The following NF2 variants were observed in gnomAD, a reference collection of about 807,000 sequenced individuals.
NF2 encodes the protein NF2, moesin-ezrin-radixin like (MERLIN) tumor suppressor, also known as merlin.
NF2 carries 8 observed loss-of-function variants against 83.7 expected under a neutral mutation model. That is an observed-to-expected ratio of 0.10 (90% CI 0.06 to 0.17). NF2 has a LOEUF of 0.17. NF2 is among the 10% of genes least tolerant of loss of function. The pLI, the probability that NF2 is intolerant of heterozygous loss-of-function variation, is 1.00. For synonymous variants in NF2, 266 were observed against 269.6 expected (o/e 0.99, Z 0.13); for missense variants, 533 against 744.4 (o/e 0.72, Z 3.31).
intron 10 of NF2, 64 bp downstream of exon 10, chr22:29,668,510 G>A: frequency 7.8e-7 from 1 of 1,287,102 alleles, no homozygotes; most frequent in African/African-American, 1.5e-5. Context: ...TGGGAGGCGA[G>A]GAGTGGTCAT....
At chr22:29,634,026 G>A (rs567728102) in intron 1 of NF2, among the ~76,000 whole-genome samples, 1 of 152,190 alleles carries the variant, frequency 6.6e-6, no homozygotes, top group African/African-American at 2.4e-5. Context: ...ACTGGAAAAG[G>A]TGTCTGGGGA....
intron 15 of NF2, among the ~76,000 whole-genome samples, chr22:29,693,839 C>T (rs1057495896): frequency 1.3e-5 from 2 of 152,214 alleles, no homozygotes; most frequent in Non-Finnish European, 2.9e-5. Context: ...CTCCCCTCCA[C>T]CCCCGCACTC....
At chr22:29,669,649 G>A (rs2066723565) in intron 10 of NF2, among the ~76,000 whole-genome samples, 1 of 152,240 alleles carries the variant, frequency 6.6e-6, no homozygotes, top group Non-Finnish European at 1.5e-5. Context: ...GGAATATGCA[G>A]TCTGTGGGCC....
chr22:29,691,504 A>G (rs2067402467), intron 15 of NF2, among the ~76,000 whole-genome samples: 1 of 152,310 alleles, frequency 6.6e-6, no homozygotes, highest in East Asian at 1.9e-4. Context: ...GAACCAGGAA[A>G]CTTGTTAGCT....
At chr22:29,650,428 C>T (rs76919536) in intron 4 of NF2, among the ~76,000 whole-genome samples, 3 of 152,226 alleles carry the variant, frequency 2.0e-5, no homozygotes, top group South Asian at 2.1e-4. Flanking sequence ...TGGGACTGAA[C>T]GTCTTTTCAT....
At chr22:29,650,880 G>C (rs2066129951) in intron 4 of NF2, among the ~76,000 whole-genome samples, 1 of 152,204 alleles carries the variant, frequency 6.6e-6, no homozygotes, top group Non-Finnish European at 1.5e-5. Context: ...TGGGATTACA[G>C]GCATGAGCCA....
chr22:29,629,423 G>A (rs1391729101), intron 1 of NF2, among the ~76,000 whole-genome samples: 1 of 152,162 alleles, frequency 6.6e-6, no homozygotes, highest in Non-Finnish European at 1.5e-5. Context: ...ACAGACAAAA[G>A]TTGTATTCAG....
At chr22:29,617,039 C>T (rs1190259280) in intron 1 of NF2, among the ~76,000 whole-genome samples, 1 of 152,050 alleles carries the variant, frequency 6.6e-6, no homozygotes, top group Non-Finnish European at 1.5e-5. Flanking sequence ...AGCGATTCTT[C>T]TGCCTCAGCC....
At chr22:29,630,575 TGAG>T (rs139631397) in intron 1 of NF2, among the ~76,000 whole-genome samples, 1,540 of 152,336 alleles carry the variant, frequency 0.01, 13 homozygotes, top group Non-Finnish European at 0.015. Context: ...AAGGGCACCT[TGAG>T]GAGGAGGTCT....
chr22:29,637,418 G>C (rs1156769715), intron 2 of NF2, among the ~76,000 whole-genome samples: 1 of 152,170 alleles, frequency 6.6e-6, no homozygotes, highest in Non-Finnish European at 1.5e-5. Context: ...GGCCAAGAAA[G>C]CTGGGCTCCT....
At chr22:29,669,106 G>A (rs139377309) in intron 10 of NF2, among the ~76,000 whole-genome samples, 3 of 152,086 alleles carry the variant, frequency 2.0e-5, no homozygotes, top group East Asian at 1.9e-4. Flanking sequence ...TTGGCTGCCC[G>A]CAGGACTTGC....
At chr22:29,671,068 A>G (rs892089837) in intron 10 of NF2, among the ~76,000 whole-genome samples, 3 of 152,192 alleles carry the variant, frequency 2.0e-5, no homozygotes, top group Non-Finnish European at 2.9e-5. Context: ...TGGATTAGAA[A>G]TGGTGAGATG....
At chr22:29,618,157 T>G (rs2065124371) in intron 1 of NF2, among the ~76,000 whole-genome samples, 1 of 152,240 alleles carries the variant, frequency 6.6e-6, no homozygotes, top group South Asian at 2.1e-4. Context: ...GTAAACCATG[T>G]TCACATATTC....
chr22:29,660,608 C>T (rs1276848863), intron 7 of NF2, among the ~76,000 whole-genome samples: 2 of 152,118 alleles, frequency 1.3e-5, no homozygotes, highest in Non-Finnish European at 2.9e-5. Context: ...CTCTCTTTGT[C>T]GACCAGGCTG....
At chr22:29,680,853 TA>T (rs34045954) in intron 14 of NF2, among the ~76,000 whole-genome samples, 44,971 of 144,942 alleles carry the variant, frequency 0.31, 7,061 homozygotes, top group Non-Finnish European at 0.37. Flanking sequence ...CAAGATCCTA[TA>T]AAAAAAAAAA....
intron 1 of NF2, among the ~76,000 whole-genome samples, chr22:29,629,248 A>T (rs1221685824): frequency 6.6e-6 from 1 of 152,194 alleles, no homozygotes; most frequent in Non-Finnish European, 1.5e-5. Flanking sequence ...CTGAATTGAG[A>T]TTATCAGTGT....
chr22:29,636,634 A>T lies in NF2; in HGVS notation c.115-117A>T, dbSNP rs1601578571. The T allele has an allele frequency of 7.7e-7, 1 of 1,306,158 alleles. No individual in the cohort carries two copies. The highest frequency in any genetic ancestry group is 2.3e-5 in the East Asian group (1 of 43,302). The allele number at this position is 1,306,158 out of a possible 1,614,324, so 80.9% of individuals were successfully genotyped here. On this transcript the variant is annotated intron_variant, in intron 1 of 15. Transcript: ENST00000338641. The surrounding 1 kb of genome is among the most constrained non-coding windows in gnomAD (Gnocchi z 4.4). The stretch of plus-strand genomic sequence containing the variant: ...AAAATTATTTAGGAATTCAGTCCTC[A>T]TCAGCTGTCTTAGTGTCATCCCCAC...
chr22:29,661,059 T>C (rs2066463433), intron 7 of NF2, 146 bp from the exon 8 acceptor site: 1 of 1,202,644 alleles, frequency 8.3e-7, no homozygotes, highest in Non-Finnish European at 1.2e-6. Context: ...GCTGAAATCT[T>C]CTTGGTTTAT....
chr22:29,607,681 G>C (rs2064834551), intron 1 of NF2, among the ~76,000 whole-genome samples: 1 of 152,090 alleles, frequency 6.6e-6, no homozygotes, highest in Admixed American at 6.6e-5. Context: ...CTGCCTGTGA[G>C]ACAAGGGGCC....
Sources: allele counts gnomAD v4.1 joint callset (sites outside exome capture counted in the v4.1 genomes callset), GRCh38; gene constraint gnomAD v4.1.1; non-coding constraint Gnocchi (gnomAD v3.1); transcripts MANE v1.5; gene names NCBI Gene and HGNC (gene_info 2026-07-23, HGNC 2026-07-21).